The following SNX5 variants were observed in gnomAD, a reference collection of about 807,000 sequenced individuals.
SNX5 encodes sorting nexin-5.
In SNX5, 31 loss-of-function variants were observed where a neutral mutation model predicts 53.9. The ratio of observed to expected loss-of-function variants is 0.58; its 90% CI spans 0.43 to 0.78. The LOEUF (loss-of-function observed/expected upper bound fraction) is 0.78. Ranked by LOEUF, SNX5 falls within the 30% of genes least tolerant of loss-of-function variation. The probability of loss-of-function intolerance (pLI) is 0.00; values close to 1 mark genes in which losing one functional copy is unlikely to be tolerated. For missense variants in SNX5, 471 were observed against 478.8 expected, an observed-to-expected ratio of 0.98 and a Z score of 0.15; for synonymous variants, 168 against 171.1, an observed-to-expected ratio of 0.98 and a Z score of 0.14.
chr20:17,948,119 A>G (rs1568588840), intron 10 of SNX5, among the ~76,000 whole-genome samples: 1 of 152,248 alleles, frequency 6.6e-6, no homozygotes, highest in Non-Finnish European at 1.5e-5. Flanking sequence ...CAATCTTACA[A>G]CAGAGTAGAA....
chr20:17,942,895 TAAAAA>T (rs11334169), intron 12 of SNX5: 6 of 340,762 alleles, frequency 1.8e-5, no homozygotes, highest in East Asian at 1.0e-4. Flanking sequence ...CCATCTCTAT[TAAAAA>T]AAAAAAAAAA....
chr20:17,961,100 AGGAGAAAAGTAGTTAC>A (rs1438255087), intron 1 of SNX5: 68 of 981,866 alleles, frequency 6.9e-5, no homozygotes, highest in Middle Eastern at 5.2e-4. Flanking sequence ...CTTCCCTAAA[AGGAGAAAAGTAGTTAC>A]GGAATCCCTG....
intron 11 of SNX5, 157 bp from the exon 12 acceptor site, chr20:17,943,352 C>G (rs568121131): frequency 1.6e-6 from 1 of 623,842 alleles, no homozygotes. Context: ...TGGGACACAT[C>G]AGACATCTAT....
chr20:17,968,332 G>A, intron 1 of SNX5, 43 bp downstream of exon 1: 1 of 1,250,134 alleles, frequency 8.0e-7, no homozygotes, highest in Non-Finnish European at 1.0e-6. Context: ...CCCGGAGCTC[G>A]CAGGGCCGCC....
intron 1 of SNX5, chr20:17,962,780 A>G (rs749446136): frequency 1.9e-5 from 10 of 519,108 alleles, no homozygotes; most frequent in Non-Finnish European, 3.8e-5. Context: ...GACACCAACC[A>G]TTCTTACCGG....
chr20:17,964,652 T>A (rs974885531), intron 1 of SNX5, among the ~76,000 whole-genome samples: 1 of 152,354 alleles, frequency 6.6e-6, no homozygotes, highest in Non-Finnish European at 1.5e-5. Context: ...ATTGGGATCA[T>A]TAAAAGTTAG....
chr20:17,961,484 A>C, intron 1 of SNX5: 3 of 985,410 alleles, frequency 3.0e-6, no homozygotes, highest in Non-Finnish European at 3.6e-6. Context: ...CTGATCTGTT[A>C]GATTGGGGCT....
intron 1 of SNX5, among the ~76,000 whole-genome samples, chr20:17,958,074 G>T (rs952399122): frequency 1.3e-5 from 2 of 150,338 alleles, no homozygotes; most frequent in African/African-American, 4.9e-5. Context: ...TTAGGGAAAA[G>T]TGACTTAAAT....
chr20:17,963,767 A>T (rs1196388868), intron 1 of SNX5, among the ~76,000 whole-genome samples: 2 of 152,242 alleles, frequency 1.3e-5, no homozygotes, highest in Non-Finnish European at 1.5e-5. Flanking sequence ...AATAGGTTTG[A>T]CAATTTACCT....
intron 5 of SNX5, among the ~76,000 whole-genome samples, chr20:17,952,150 A>G (rs2122371799): frequency 6.6e-6 from 1 of 152,200 alleles, no homozygotes; most frequent in East Asian, 1.9e-4. Flanking sequence ...GTGAACCCAG[A>G]AGGTGGAGCT....
At chr20:17,957,768 A>G (rs2035385894) in intron 1 of SNX5, among the ~76,000 whole-genome samples, 1 of 152,200 alleles carries the variant, frequency 6.6e-6, no homozygotes, top group Non-Finnish European at 1.5e-5. Context: ...AGTCATGTGG[A>G]ATAGGATCCT....
chr20:17,949,677 A>C (rs1417069291), intron 8 of SNX5, among the ~76,000 whole-genome samples: 1 of 152,314 alleles, frequency 6.6e-6, no homozygotes, highest in Non-Finnish European at 1.5e-5. Flanking sequence ...TGGGGTCATT[A>C]AATTATTCTC....
intron 11 of SNX5, among the ~76,000 whole-genome samples, chr20:17,946,952 G>C (rs1425309990): frequency 6.6e-6 from 1 of 152,138 alleles, no homozygotes; most frequent in Non-Finnish European, 1.5e-5. Context: ...CCCATAACCA[G>C]ATCTAAACAT....
At chr20:17,943,043 A>G in intron 12 of SNX5, 67 bp downstream of exon 12, 1 of 1,104,966 alleles carries the variant, frequency 9.1e-7, no homozygotes, top group Non-Finnish European at 1.4e-6. Flanking sequence ...ACAATGGGTT[A>G]GTAAACTGGG....
Position 17,942,586 on chromosome 20 carries a change from G to A in SNX5, c.1165-179C>T. 9 of 616,064 alleles carry A rather than the reference G, an allele frequency of 1.5e-5. 1 individual carries two copies. Among genetic ancestry groups the A allele is most frequent in the South Asian group, 1.3e-4 (7 of 52,042 alleles). 38.2% of individuals were successfully genotyped at this position (616,064 alleles called of 1,614,324 possible). On this transcript the variant is annotated intron_variant, in intron 12 of 12. Transcript: ENST00000377759. ...AACGTACCACGCATCCCCATTTCAT[G>A]TTTCAGCTCCTCTCCCTCAGTGGGT... is the stretch of plus-strand genomic sequence containing the variant.
At chr20:17,965,534 C>T (rs1231188152) in intron 1 of SNX5, among the ~76,000 whole-genome samples, 1 of 151,932 alleles carries the variant, frequency 6.6e-6, no homozygotes, top group Non-Finnish European at 1.5e-5. Flanking sequence ...GGTGGGCATG[C>T]TGGTGTGTGC....
In SNX5 at chr20:17,968,579, G is replaced by T; in HGVS notation, c.-154C>A. On this transcript the variant is annotated 5_prime_UTR_variant, in exon 1 of 13. Transcript: ENST00000377759. ...CGGCGGCAGGAGGCCTCCGGACTCC[G>T]CCACCATCCCAGCTGCCCCGGGAGC... is the stretch of plus-strand genomic sequence containing the variant. The T allele has an allele frequency of 1.5e-6, 1 of 689,548 alleles. No individual in the cohort carries two copies. The highest frequency in any genetic ancestry group is 2.4e-6 in the Non-Finnish European group (1 of 412,792). 42.7% of individuals were successfully genotyped at this position (689,548 alleles called of 1,614,324 possible). A position where few individuals can be genotyped will look rare whatever the true frequency, so the allele number is the denominator to read the frequency against.
rs1568602625 is a variant in SNX5 at position 17,968,771 on chromosome 20, C to T, written c.-346G>A. 1 of 333,152 alleles carries T rather than the reference C, an allele frequency of 3.0e-6. No individual in the cohort carries two copies. The highest frequency in any genetic ancestry group is 2.2e-5 in the African/African-American group (1 of 45,966). 20.6% of individuals were successfully genotyped at this position (333,152 alleles called of 1,614,324 possible). On this transcript the variant is annotated 5_prime_UTR_variant, in exon 1 of 13. Transcript: ENST00000377759. ...CGGACGGGAAGCAACGGACACTCTC[C>T]CAGCAAGACGCGTCTAGAGAAAGAC...
rs376927437 is a variant in SNX5, at chr20:17,952,549, T to G, written c.513+38A>C. On this transcript the variant is annotated intron_variant, in intron 5 of 12. Coordinates refer to ENST00000377759, the MANE Select transcript of SNX5 (RefSeq NM_014426.4). ...AAGTACATTTTGAAAGTATAAACAT[T>G]TGAAGTGGATTATCAAAATGGAATA... The G allele has an allele frequency of 1.8e-5, 29 of 1,594,194 alleles. No individual in the cohort carries two copies. In the African/African-American group the frequency reaches 3.8e-4, roughly 21 times the overall value.
Sources: gnomAD v4.1 joint callset for allele counts (sites outside exome capture counted in the v4.1 genomes callset) on GRCh38, gnomAD v4.1.1 for gene constraint, MANE v1.5 for transcripts, NCBI Gene and HGNC (gene_info 2026-07-23, HGNC 2026-07-21) for gene names.